Variants in NRG3 observed in about 807,000 individuals in gnomAD.
NRG3 encodes the protein pro-neuregulin-3, membrane-bound isoform.
A neutral mutation model predicts 66.9 loss-of-function variants in NRG3; 31 were observed. The observed-to-expected ratio is 0.46, with a 90% CI of 0.35 to 0.63. The LOEUF is 0.63. NRG3 is among the 20% of genes least tolerant of loss of function. The pLI, the probability that NRG3 is intolerant of heterozygous loss-of-function variation, is 0.00. For synonymous variants in NRG3, 393 were observed against 359.4 expected (o/e 1.09, Z -1.06); for missense variants, 910 against 878.9 (o/e 1.04, Z -0.45).
chr10:82,181,834 A>G (rs142576148), intron 1 of NRG3, among the ~76,000 whole-genome samples: 19 of 151,884 alleles, frequency 1.3e-4, no homozygotes, highest in Non-Finnish European at 2.7e-4. Flanking sequence ...TGTTCTGGCC[A>G]TTATTGAAAG....
intron 1 of NRG3, among the ~76,000 whole-genome samples, chr10:82,064,684 G>A (rs1190683523): frequency 1.3e-5 from 2 of 152,146 alleles, no homozygotes; most frequent in Admixed American, 6.6e-5. Flanking sequence ...TCTGAGCCAA[G>A]AGAATGCCCC....
In NRG3 at chr10:82,065,494, C is replaced by T. The variant is rs143453401; in HGVS notation, c.823+189331C>T. On this transcript the variant is annotated intron_variant, in intron 1 of 8. Coordinates refer to ENST00000372141, the MANE Select transcript of NRG3 (RefSeq NM_001010848.4). ...TGTGTCACTGGGAAGGATTCACTATCTGCCTTCTTAATGTGACACAGTAAT... is the reference window on the plus strand; with the variant it reads ...TGTGTCACTGGGAAGGATTCACTATTTGCCTTCTTAATGTGACACAGTAAT... Among the ~76,000 whole-genome samples the T allele has an allele frequency of 3.9e-3, 589 of 152,222 alleles. 2 individuals are homozygous for T. The highest frequency in any genetic ancestry group is 0.014 in the African/African-American group (563 of 41,528).
chr10:82,651,965 C>A (rs1044911039), intron 2 of NRG3, among the ~76,000 whole-genome samples: 5 of 152,210 alleles, frequency 3.3e-5, no homozygotes, highest in African/African-American at 1.2e-4. Context: ...ACCCACAGTT[C>A]TTGACTCCTT....
At chr10:82,201,466 G>A (rs964477794) in intron 1 of NRG3, among the ~76,000 whole-genome samples, 4 of 152,030 alleles carry the variant, frequency 2.6e-5, no homozygotes, top group Non-Finnish European at 5.9e-5. Flanking sequence ...TCAACTCTTC[G>A]TCTTCTCAGT....
rs370852645 is a variant in NRG3 at position 82,296,534 on chromosome 10, T to G, written c.824-62205T>G. ...TGTTAATTTAATTTATTTTTATTGATAAATAGTATTTGTACATGTTTATGG... is the reference window on the plus strand; with the variant it reads ...TGTTAATTTAATTTATTTTTATTGAGAAATAGTATTTGTACATGTTTATGG... On this transcript the variant is annotated intron_variant, in intron 1 of 8. Transcript: ENST00000372141. Among the ~76,000 whole-genome samples, 12 of 152,292 alleles carry G rather than the reference T, an allele frequency of 7.9e-5. No individual in the cohort carries two copies. In the East Asian group the frequency reaches 1.9e-3, roughly 24 times the overall value.
At chr10:82,439,854 A>G (rs2090341063) in intron 2 of NRG3, among the ~76,000 whole-genome samples, 1 of 152,016 alleles carries the variant, frequency 6.6e-6, no homozygotes, top group Non-Finnish European at 1.5e-5. Context: ...TATGTATATC[A>G]TGTTTTTATG....
chr10:82,849,390 C>G (rs568513652), intron 3 of NRG3, among the ~76,000 whole-genome samples: 3 of 152,294 alleles, frequency 2.0e-5, no homozygotes, highest in East Asian at 1.9e-4. Flanking sequence ...TCTTTAAGCC[C>G]TCTACTTTCT....
At chr10:81,952,444 C>T (rs960746527) in intron 1 of NRG3, among the ~76,000 whole-genome samples, 1 of 151,382 alleles carries the variant, frequency 6.6e-6, no homozygotes, top group Admixed American at 6.6e-5. Context: ...CAGGGGGGTG[C>T]GGAGAGAGAG....
chr10:82,289,495 A>G (rs2079601909), intron 1 of NRG3, among the ~76,000 whole-genome samples: 2 of 149,430 alleles, frequency 1.3e-5, no homozygotes, highest in African/African-American at 2.4e-5. Flanking sequence ...AAATAATAGT[A>G]GATTAGATTG....
intron 1 of NRG3, among the ~76,000 whole-genome samples, chr10:81,930,510 G>GA (rs76590582): frequency 0.07 from 9,391 of 133,230 alleles, 370 homozygotes; most frequent in African/African-American, 0.12. Context: ...CTATTACCTG[G>GA]AAAAAAAAAA....
intron 1 of NRG3, among the ~76,000 whole-genome samples, chr10:81,894,601 A>G (rs1267183600): frequency 6.6e-6 from 1 of 152,196 alleles, no homozygotes; most frequent in Non-Finnish European, 1.5e-5. Flanking sequence ...TCAGTTCATA[A>G]TAGGAGCAGA....
At chr10:82,103,142 C>T (rs1229464646) in intron 1 of NRG3, among the ~76,000 whole-genome samples, 1 of 152,066 alleles carries the variant, frequency 6.6e-6, no homozygotes, top group Admixed American at 6.6e-5. Context: ...TTCTTCAGCA[C>T]TTTAAGTATA....
chr10:82,324,154 C>T (rs996763162), intron 1 of NRG3, among the ~76,000 whole-genome samples: 3 of 152,248 alleles, frequency 2.0e-5, no homozygotes, highest in Non-Finnish European at 2.9e-5. Context: ...CGTGAGCCAC[C>T]GTGCCTGGCC....
At chr10:82,605,330 G>T (rs1320177457) in intron 2 of NRG3, among the ~76,000 whole-genome samples, 1 of 151,906 alleles carries the variant, frequency 6.6e-6, no homozygotes, top group African/African-American at 2.4e-5. Context: ...ACTGCATTAT[G>T]ATATAATCAT....
intron 2 of NRG3, among the ~76,000 whole-genome samples, chr10:82,665,035 T>G (rs541600348): frequency 2.6e-5 from 4 of 152,206 alleles, no homozygotes; most frequent in African/African-American, 4.8e-5. Context: ...ATTTCCCTTT[T>G]TCAGTTTTCC....
At chr10:82,061,493 T>C (rs2064139659) in intron 1 of NRG3, among the ~76,000 whole-genome samples, 1 of 152,212 alleles carries the variant, frequency 6.6e-6, no homozygotes, top group African/African-American at 2.4e-5. Context: ...CCCAAGGTTT[T>C]TACAGAGTTT....
intron 2 of NRG3, among the ~76,000 whole-genome samples, chr10:82,603,614 T>C (rs2047771145): frequency 6.6e-6 from 1 of 152,090 alleles, no homozygotes; most frequent in South Asian, 2.1e-4. Context: ...CAATGTTTGG[T>C]GTGCAAGCGT....
At chr10:82,574,926 G>C (rs147269766) in intron 2 of NRG3, among the ~76,000 whole-genome samples, 52 of 151,798 alleles carry the variant, frequency 3.4e-4, no homozygotes, top group African/African-American at 1.3e-3. Flanking sequence ...GGGGCTGAGA[G>C]GTGAGGGGAT....
intron 1 of NRG3, among the ~76,000 whole-genome samples, chr10:82,257,109 G>C (rs1301882765): frequency 9.9e-5 from 15 of 152,142 alleles, no homozygotes; most frequent in Non-Finnish European, 1.5e-4. Flanking sequence ...CTCAAAAGGA[G>C]CTAGAACCCT....
Sources: allele counts gnomAD v4.1 joint callset (sites outside exome capture counted in the v4.1 genomes callset), GRCh38; gene constraint gnomAD v4.1.1; transcripts MANE v1.5; gene names NCBI Gene and HGNC (gene_info 2026-07-23, HGNC 2026-07-21).